The following HCN1 variants were observed in gnomAD, a reference collection of about 807,000 sequenced individuals.
HCN1 encodes hyperpolarization activated cyclic nucleotide gated potassium channel 1, also known as potassium/sodium hyperpolarization-activated cyclic nucleotide-gated channel 1.
Under a neutral mutation model 78.9 loss-of-function variants are expected in HCN1, and 13 were observed. The observed-to-expected ratio is 0.16, with a 90% CI of 0.11 to 0.26. The LOEUF (loss-of-function observed/expected upper bound fraction) is 0.26, where lower values mean the gene tolerates loss of function less well. Among genes scored for constraint, HCN1 ranks in the 10% least tolerant of loss-of-function variants. The pLI is 1.00. For missense variants in HCN1, 810 were observed against 1,154.3 expected (o/e 0.70, Z 4.32); for synonymous variants, 552 against 455.5 (o/e 1.21, Z -2.70).
chr5:45,369,271 T>C (rs1397698278), intron 4 of HCN1, among the ~76,000 whole-genome samples: 1 of 152,138 alleles, frequency 6.6e-6, no homozygotes, highest in Non-Finnish European at 1.5e-5. Context: ...TTTGTATGTG[T>C]ATGATTGTGA....
chr5:45,537,407 T>C (rs1342241562), intron 2 of HCN1, among the ~76,000 whole-genome samples: 1 of 151,990 alleles, frequency 6.6e-6, no homozygotes, highest in Non-Finnish European at 1.5e-5. Context: ...TTTTTGTTTT[T>C]TTTTAACAAT....
At chr5:45,341,941 C>T (rs567471667) in intron 5 of HCN1, among the ~76,000 whole-genome samples, 1 of 152,194 alleles carries the variant, frequency 6.6e-6, no homozygotes, top group African/African-American at 2.4e-5. Flanking sequence ...TCTACCTTAT[C>T]ATCTCAATTT....
At chr5:45,286,737 GT>G (rs1745276552) in intron 6 of HCN1, among the ~76,000 whole-genome samples, 1 of 151,936 alleles carries the variant, frequency 6.6e-6, no homozygotes, top group African/African-American at 2.4e-5. Flanking sequence ...ACATTAAGAT[GT>G]TGTTGTTGAT....
chr5:45,640,865 A>T lies in HCN1; in HGVS notation c.849+4320T>A, dbSNP rs1466927655. On this transcript the variant is annotated intron_variant, in intron 2 of 7. Coordinates refer to ENST00000303230, the MANE Select transcript of HCN1 (RefSeq NM_021072.4). ...ATTTTTAAAGGAGTGATAGAAAAAA[A>T]AAAAAAAAAGCCTTTCCAAATCGGA... Among the ~76,000 whole-genome samples, 309 of 152,192 alleles carry T rather than the reference A, an allele frequency of 2.0e-3. 3 individuals carry two copies. The highest frequency in any genetic ancestry group is 7.1e-3 in the African/African-American group (296 of 41,536).
At chr5:45,408,083 C>A (rs2112052850) in intron 3 of HCN1, among the ~76,000 whole-genome samples, 1 of 151,854 alleles carries the variant, frequency 6.6e-6, no homozygotes, top group South Asian at 2.1e-4. Context: ...GTGTCTTAAG[C>A]TAAGTGTTAC....
chr5:45,288,070 T>TCAAA (rs1745302831), intron 6 of HCN1, among the ~76,000 whole-genome samples: 1 of 151,982 alleles, frequency 6.6e-6, no homozygotes, highest in Admixed American at 6.6e-5. Context: ...TTTCCCAAGG[T>TCAAA]CAAATAGCAT....
intron 5 of HCN1, among the ~76,000 whole-genome samples, chr5:45,317,570 T>G (rs1579806191): frequency 6.6e-6 from 1 of 152,254 alleles, no homozygotes; most frequent in African/African-American, 2.4e-5. Flanking sequence ...AAATGGGATC[T>G]AATTAAACTA....
At chr5:45,503,762 C>G (rs902461372) in intron 2 of HCN1, among the ~76,000 whole-genome samples, 23 of 151,658 alleles carry the variant, frequency 1.5e-4, no homozygotes, top group Non-Finnish European at 2.8e-4. Context: ...CCCCCTCCCC[C>G]CACGCCAACA....
intron 3 of HCN1, among the ~76,000 whole-genome samples, chr5:45,402,519 G>C (rs1478775066): frequency 2.0e-5 from 3 of 152,114 alleles, no homozygotes; most frequent in Non-Finnish European, 2.9e-5. Context: ...AATATTAGCT[G>C]TGGTGAGGCT....
chr5:45,272,830 A>G (rs1744985341), intron 6 of HCN1, among the ~76,000 whole-genome samples: 1 of 152,072 alleles, frequency 6.6e-6, no homozygotes, highest in African/African-American at 2.4e-5. Flanking sequence ...TGTTGATTTC[A>G]TAAAGCAAAT....
intron 5 of HCN1, among the ~76,000 whole-genome samples, chr5:45,338,189 C>A (rs1746504317): frequency 6.6e-6 from 1 of 152,086 alleles, no homozygotes; most frequent in Non-Finnish European, 1.5e-5. Flanking sequence ...TTTACCACTG[C>A]ATTTTACATT....
intron 6 of HCN1, among the ~76,000 whole-genome samples, chr5:45,292,100 T>C (rs1450905229): frequency 2.0e-5 from 3 of 152,022 alleles, no homozygotes; most frequent in East Asian, 3.9e-4. Flanking sequence ...GAAAGGAATG[T>C]AATTTATTTG....
intron 3 of HCN1, among the ~76,000 whole-genome samples, chr5:45,452,858 G>A (rs755644068): frequency 3.3e-5 from 5 of 151,942 alleles, no homozygotes; most frequent in Non-Finnish European, 7.4e-5. Context: ...AAAAAATGAT[G>A]GGTTATACAA....
intron 5 of HCN1, among the ~76,000 whole-genome samples, chr5:45,350,857 T>C (rs1579832025): frequency 6.6e-6 from 1 of 152,140 alleles, no homozygotes; most frequent in African/African-American, 2.4e-5. Context: ...TACAAACCAC[T>C]GCTCAATGAA....
intron 4 of HCN1, among the ~76,000 whole-genome samples, chr5:45,390,795 T>G (rs1234027294): frequency 1.3e-5 from 2 of 152,170 alleles, no homozygotes; most frequent in Non-Finnish European, 2.9e-5. Flanking sequence ...TATAAAGACT[T>G]ACTCCAGACT....
At chr5:45,397,626 G>A (rs148877223) in intron 3 of HCN1, among the ~76,000 whole-genome samples, 8 of 151,176 alleles carry the variant, frequency 5.3e-5, no homozygotes, top group South Asian at 4.2e-4. Context: ...TTCAAAATGC[G>A]GGAAAAAAAC....
In HCN1 at chr5:45,278,151, C is replaced by T. The variant is rs1501363; in HGVS notation, c.1619-10898G>A. 1.9e-3 allele frequency among the ~76,000 whole-genome samples: 287 copies of T among 152,158 alleles called. 1 individual carries two copies. The highest frequency in any genetic ancestry group is 6.7e-3 in the African/African-American group (278 of 41,552). ...TGCCTGACTCATACACATCTCTACT[C>T]GTGACCTCTTTCAGGTCCAGAAGTT... On this transcript the variant is annotated intron_variant, in intron 6 of 7. Transcript: ENST00000303230.
At chr5:45,392,163 T>A (rs1328733097) in intron 4 of HCN1, among the ~76,000 whole-genome samples, 1 of 152,186 alleles carries the variant, frequency 6.6e-6, no homozygotes, top group Non-Finnish European at 1.5e-5. Context: ...CAAATGGGAT[T>A]TGAATAGCTT....
chr5:45,403,877 G>T (rs1026004998), intron 3 of HCN1, among the ~76,000 whole-genome samples: 5 of 152,118 alleles, frequency 3.3e-5, no homozygotes, highest in East Asian at 1.9e-4. Context: ...GACAAATAAT[G>T]ACACTGAAGC....
Sources: allele counts gnomAD v4.1 joint callset (sites outside exome capture counted in the v4.1 genomes callset), GRCh38; gene constraint gnomAD v4.1.1; transcripts MANE v1.5; gene names NCBI Gene and HGNC (gene_info 2026-07-23, HGNC 2026-07-21).